The following PBX3 variants were observed in gnomAD, a reference collection of about 807,000 sequenced individuals.
PBX3 encodes PBX homeobox 3.
Under a neutral mutation model 48.5 loss-of-function variants are expected in PBX3, and 14 were observed. The observed-to-expected ratio is 0.29, with a 90% CI of 0.19 to 0.45. The LOEUF is 0.45. Ranked by LOEUF, PBX3 falls within the 20% of genes least tolerant of loss-of-function variation. The pLI, the probability that PBX3 is intolerant of heterozygous loss-of-function variation, is 1.00. For synonymous variants in PBX3, 210 were observed against 200.3 expected (o/e 1.05, Z -0.41); for missense variants, 386 against 546.7 (o/e 0.71, Z 2.93).
chr9:125,891,667 A>C (rs1564159171), intron 2 of PBX3, among the ~76,000 whole-genome samples: 1 of 152,248 alleles, frequency 6.6e-6, no homozygotes, highest in Non-Finnish European at 1.5e-5. Context: ...TATTCTTTAA[A>C]AATGACAAAG....
chr9:125,915,651 C>A (rs1274433729), intron 2 of PBX3, 35 bp from the exon 3 acceptor site: 2 of 1,540,908 alleles, frequency 1.3e-6, no homozygotes, highest in Admixed American at 2.0e-5. Flanking sequence ...TTTCTCGCTT[C>A]TTCTCTCTCT....
intron 5 of PBX3, among the ~76,000 whole-genome samples, chr9:125,936,269 CAAAT>C (rs1165204237): frequency 4.6e-5 from 7 of 152,084 alleles, no homozygotes; most frequent in African/African-American, 9.7e-5. Context: ...GGATTGGAAA[CAAAT>C]AAATTAACAA....
intron 2 of PBX3, among the ~76,000 whole-genome samples, chr9:125,884,973 G>T (rs1564155761): frequency 6.6e-6 from 1 of 152,020 alleles, no homozygotes; most frequent in Non-Finnish European, 1.5e-5. Context: ...TTTGCCCATT[G>T]AATGATAATG....
chr9:125,822,539 C>T (rs566026942), intron 2 of PBX3, among the ~76,000 whole-genome samples: 331 of 152,126 alleles, frequency 2.2e-3, no homozygotes, highest in African/African-American at 7.6e-3. Context: ...TCTTTAGAAA[C>T]TCTAAAATGT....
chr9:125,827,745 T>G (rs1356115762), intron 2 of PBX3, among the ~76,000 whole-genome samples: 1 of 152,192 alleles, frequency 6.6e-6, no homozygotes, highest in African/African-American at 2.4e-5. Context: ...GATGCTTACA[T>G]TTCATCTGAA....
chr9:125,906,226 T>A (rs1276656800), intron 2 of PBX3, among the ~76,000 whole-genome samples: 1 of 151,952 alleles, frequency 6.6e-6, no homozygotes, highest in Non-Finnish European at 1.5e-5. Flanking sequence ...TAAAACTGAG[T>A]CTGTGTCCTT....
At chr9:125,813,795 AAG>A (rs1838369704) in intron 2 of PBX3, among the ~76,000 whole-genome samples, 1 of 151,456 alleles carries the variant, frequency 6.6e-6, no homozygotes, top group Non-Finnish European at 1.5e-5. Context: ...ATTTGAGTGT[AAG>A]TTATGCTCAT....
intron 2 of PBX3, among the ~76,000 whole-genome samples, chr9:125,833,744 G>C (rs1482989771): frequency 6.6e-6 from 1 of 152,132 alleles, no homozygotes; most frequent in Non-Finnish European, 1.5e-5. Flanking sequence ...CAGAGTACTT[G>C]AAGCTAAAAA....
Position 125,747,544 on chromosome 9 carries a change from C to T in PBX3, c.91C>T (p.Pro31Ser), listed in dbSNP as rs758564832. 4.4e-6 allele frequency: 7 copies of T among 1,606,036 alleles called. No individual in the cohort carries two copies. The highest frequency in any genetic ancestry group is 3.3e-5 in the South Asian group (3 of 90,374). Residue 31 changes from proline (P) to serine (S), a missense_variant, in exon 1 of 9, where the codon CCG becomes TCG. Around this residue, in one of 4 missense-constraint regions of PBX3, gnomAD observed 116 missense variants for 98.2 expected, o/e 1.18. Transcript: ENST00000373489. ...VQGGMALPPP[P>S]HGHEGADGDG... is the part of the protein sequence containing the mutation. ...GGGGGGCATGGCCCTGCCGCCTCCC[C>T]CGCACGGCCACGAAGGGGCGGACGG...
At chr9:125,852,276 T>C (rs1839604550) in intron 2 of PBX3, among the ~76,000 whole-genome samples, 1 of 152,158 alleles carries the variant, frequency 6.6e-6, no homozygotes, top group South Asian at 2.1e-4. Flanking sequence ...CCATTCAGTT[T>C]ACAAAAAAGT....
chr9:125,885,110 A>T (rs1373060165), intron 2 of PBX3, among the ~76,000 whole-genome samples: 1 of 152,140 alleles, frequency 6.6e-6, no homozygotes, highest in Non-Finnish European at 1.5e-5. Flanking sequence ...CTATTATAAT[A>T]AGTAGGGTGC....
At chr9:125,877,684 C>T (rs543912139) in intron 2 of PBX3, among the ~76,000 whole-genome samples, 4 of 152,252 alleles carry the variant, frequency 2.6e-5, no homozygotes, top group African/African-American at 9.6e-5. Context: ...ATAACATTTT[C>T]AGAATCTGAA....
At chr9:125,904,481 GTTT>G (rs1841023492) in intron 2 of PBX3, among the ~76,000 whole-genome samples, 1 of 151,844 alleles carries the variant, frequency 6.6e-6, no homozygotes, top group Non-Finnish European at 1.5e-5. Flanking sequence ...CACATTGTTT[GTTT>G]TAGCTGCCTT....
chr9:125,897,103 G>A (rs1840787664), intron 2 of PBX3, among the ~76,000 whole-genome samples: 1 of 141,422 alleles, frequency 7.1e-6, no homozygotes, highest in African/African-American at 2.6e-5. Context: ...ACAGTGTCTT[G>A]TCAAAGCCAT....
intron 3 of PBX3, 86 bp from the exon 4 acceptor site, chr9:125,929,569 C>G (rs1051820374): frequency 2.2e-6 from 2 of 904,648 alleles, no homozygotes; most frequent in Non-Finnish European, 3.5e-6. Context: ...TTGGTGAATG[C>G]AAATGAGGTG....
chr9:125,881,840 G>GT (rs1208557416), intron 2 of PBX3, among the ~76,000 whole-genome samples: 7 of 151,736 alleles, frequency 4.6e-5, no homozygotes, highest in African/African-American at 1.5e-4. Context: ...CTGCTCTAAT[G>GT]TTTTTTTGGG....
At chr9:125,780,085 C>T (rs1382888145) in intron 2 of PBX3, among the ~76,000 whole-genome samples, 11 of 137,840 alleles carry the variant, frequency 8.0e-5, no homozygotes, top group East Asian at 2.3e-4. Flanking sequence ...ACCTCCCTCC[C>T]GGACGGGGCG....
At chr9:125,934,699 AT>A (rs567101588) in intron 4 of PBX3, among the ~76,000 whole-genome samples, 17 of 149,142 alleles carry the variant, frequency 1.1e-4, no homozygotes, top group East Asian at 3.9e-4. Flanking sequence ...TTCCCAATGC[AT>A]TTTTTTTTTC....
chr9:125,835,195 C>T (rs1839097287), intron 2 of PBX3, among the ~76,000 whole-genome samples: 1 of 152,026 alleles, frequency 6.6e-6, no homozygotes, highest in Non-Finnish European at 1.5e-5. Context: ...AGGCACAGTT[C>T]TAGGCATCTC....
Sources: gnomAD v4.1 joint callset for allele counts (sites outside exome capture counted in the v4.1 genomes callset) on GRCh38, gnomAD v4.1.1 for gene constraint, gnomAD v4.1.1 regional missense constraint, MANE v1.5 for transcripts, NCBI Gene and HGNC (gene_info 2026-07-23, HGNC 2026-07-21) for gene names.